The following CERT1 variants were observed in gnomAD, a reference collection of about 807,000 sequenced individuals.
CERT1 encodes ceramide transfer protein.
In CERT1, 31 loss-of-function variants were observed where a neutral mutation model predicts 87.9. The ratio of observed to expected loss-of-function variants is 0.35; its 90% confidence interval spans 0.27 to 0.48. CERT1 has a LOEUF of 0.48. Ranked by LOEUF, CERT1 falls within the 20% of genes least tolerant of loss-of-function variation. CERT1 has a pLI of 0.99. For missense variants in CERT1, 487 were observed against 758.0 expected (o/e 0.64, Z 4.20); for synonymous variants, 289 against 250.9 (o/e 1.15, Z -1.44).
At chr5:75,394,778 GC>G (rs1762179427) in intron 11 of CERT1, among the ~76,000 whole-genome samples, 1 of 152,016 alleles carries the variant, frequency 6.6e-6, no homozygotes, top group Non-Finnish European at 1.5e-5. Flanking sequence ...AATGTTCATG[GC>G]CTTTGTTCCC....
chr5:75,401,173 CAA>C (rs1762458763), intron 9 of CERT1: 1 of 152,134 alleles, frequency 6.6e-6, no homozygotes, highest in Non-Finnish European at 1.5e-5. Context: ...GCAAGAAAAA[CAA>C]TGCTCTGTTC....
intron 10 of CERT1, among the ~76,000 whole-genome samples, chr5:75,399,856 C>T (rs900083640): frequency 6.6e-6 from 1 of 152,000 alleles, no homozygotes; most frequent in Non-Finnish European, 1.5e-5. Flanking sequence ...AAGATATTTC[C>T]GGCTGGGCAT....
At chr5:75,409,586 G>T (rs567075655) in intron 8 of CERT1, among the ~76,000 whole-genome samples, 1 of 152,122 alleles carries the variant, frequency 6.6e-6, no homozygotes. Context: ...GAGCGCAGTG[G>T]CACGATCTCA....
intron 17 of CERT1, chr5:75,369,869 A>G (rs932907600): frequency 1.3e-5 from 2 of 152,266 alleles, no homozygotes; most frequent in Admixed American, 1.3e-4. Flanking sequence ...GGCTATTCAA[A>G]GTATACAGAT....
chr5:75,430,736 CAAAAAA>C (rs573577208), intron 3 of CERT1, among the ~76,000 whole-genome samples: 1 of 143,204 alleles, frequency 7.0e-6, no homozygotes, highest in Admixed American at 7.0e-5. Context: ...AATCAGTTCA[CAAAAAA>C]AAAAAGAGTT....
intron 2 of CERT1, among the ~76,000 whole-genome samples, chr5:75,470,759 G>A (rs1765672298): frequency 6.6e-6 from 1 of 152,060 alleles, no homozygotes; most frequent in Non-Finnish European, 1.5e-5. Context: ...GTCCTAGCCA[G>A]AACAATTAGG....
At chr5:75,395,841 C>T (rs1001223859) in intron 11 of CERT1, among the ~76,000 whole-genome samples, 1 of 151,968 alleles carries the variant, frequency 6.6e-6, no homozygotes, top group Non-Finnish European at 1.5e-5. Context: ...CAGAATGAGA[C>T]TCTGTCTCAA....
intron 3 of CERT1, among the ~76,000 whole-genome samples, chr5:75,450,305 A>C (rs1764721254): frequency 6.6e-6 from 1 of 152,144 alleles, no homozygotes; most frequent in African/African-American, 2.4e-5. Context: ...TTGGGAGTTC[A>C]GGCACGGGGC....
Position 75,411,045 on chromosome 5 carries a change from T to A in CERT1, c.896A>T (p.Lys299Met), listed in dbSNP as rs1457143397. The A allele has an allele frequency of 6.3e-7, 1 of 1,595,570 alleles. No homozygotes were observed. The highest frequency in any genetic ancestry group is 8.6e-7 in the Non-Finnish European group (1 of 1,168,912). The change falls in exon 8 of 17, where the codon AAG (lysine) becomes ATG (methionine). Residue 299 changes from lysine (K) to methionine (M), a missense_variant. By Grantham distance (95) the Lys-to-Met change is moderately conservative. This residue lies in a region of CERT1 where 21 missense variants were observed against 20.4 expected (regional missense o/e 1.03). Coordinates refer to ENST00000643780, the MANE Select transcript of CERT1 (RefSeq NM_001379029.1). The part of the protein sequence containing the change: ...EAYKNAMTEL[K>M]KKSHFGGPDY... The stretch of plus-strand genomic sequence containing the variant: ...TGGTCCTCCAAAGTGGGATTTTTTC[T>A]TAAGTTCTGTCATTGCATTTTTATA...
At chr5:75,476,325 AT>A (rs201268306) in intron 2 of CERT1, among the ~76,000 whole-genome samples, 1,512 of 147,998 alleles carry the variant, frequency 0.01, 18 homozygotes, top group East Asian at 0.043. Flanking sequence ...GGAAATTGTG[AT>A]TTTTTTTTTT....
chr5:75,492,780 C>G (rs1766858951), intron 2 of CERT1, among the ~76,000 whole-genome samples: 1 of 152,144 alleles, frequency 6.6e-6, no homozygotes, highest in South Asian at 2.1e-4. Context: ...AGAGAGCAAG[C>G]AGTTAAGAAA....
At chr5:75,462,708 G>T (rs1177584359) in intron 2 of CERT1, among the ~76,000 whole-genome samples, 2 of 152,070 alleles carry the variant, frequency 1.3e-5, no homozygotes, top group African/African-American at 4.8e-5. Flanking sequence ...AAAAAGCCAG[G>T]TTTAAAAAGT....
chr5:75,398,119 T>C (rs1332378663), intron 11 of CERT1, among the ~76,000 whole-genome samples: 1 of 152,192 alleles, frequency 6.6e-6, no homozygotes, highest in Non-Finnish European at 1.5e-5. Context: ...TGATCCAGAA[T>C]TGCTAAATCT....
At chr5:75,440,366 C>T (rs1405560214) in intron 3 of CERT1, among the ~76,000 whole-genome samples, 1 of 152,022 alleles carries the variant, frequency 6.6e-6, no homozygotes, top group Non-Finnish European at 1.5e-5. Flanking sequence ...TATTTGCTTA[C>T]CCTCAAGATA....
At chr5:75,474,000 A>G (rs972073400) in intron 2 of CERT1, among the ~76,000 whole-genome samples, 2 of 152,234 alleles carry the variant, frequency 1.3e-5, no homozygotes, top group Admixed American at 1.3e-4. Flanking sequence ...AAAAAACAAC[A>G]GGGAAGTAAA....
intron 3 of CERT1, among the ~76,000 whole-genome samples, chr5:75,433,204 AAT>A (rs1369558160): frequency 6.6e-6 from 1 of 152,236 alleles, no homozygotes; most frequent in Non-Finnish European, 1.5e-5. Context: ...TGAATTTTAA[AAT>A]AGTTTTTTCT....
chr5:75,472,300 A>C (rs942138896), intron 2 of CERT1, among the ~76,000 whole-genome samples: 4 of 152,242 alleles, frequency 2.6e-5, no homozygotes, highest in Non-Finnish European at 5.9e-5. Flanking sequence ...AATCTGAAAT[A>C]TAAGACCTAA....
intron 9 of CERT1, chr5:75,401,447 T>C (rs1423996990): frequency 6.6e-6 from 1 of 152,134 alleles, no homozygotes; most frequent in Admixed American, 6.5e-5. Context: ...ACAAAGTTAG[T>C]TAGAGGTAAA....
chr5:75,443,669 T>C (rs959599744), intron 3 of CERT1, among the ~76,000 whole-genome samples: 2 of 152,250 alleles, frequency 1.3e-5, no homozygotes, highest in African/African-American at 4.8e-5. Context: ...GTTCTGTATA[T>C]GTCTTTTAGA....
Sources: gnomAD v4.1 joint callset for allele counts (sites outside exome capture counted in the v4.1 genomes callset) on GRCh38, gnomAD v4.1.1 for gene constraint, gnomAD v4.1.1 regional missense constraint, MANE v1.5 for transcripts, NCBI Gene and HGNC (gene_info 2026-07-23, HGNC 2026-07-21) for gene names.